The following PRKG1 variants were observed in gnomAD, a reference collection of about 807,000 sequenced individuals.
PRKG1 encodes cGMP-dependent protein kinase 1.
A neutral mutation model predicts 88.1 loss-of-function variants in PRKG1; 35 were observed. That is an observed-to-expected ratio of 0.40 (90% confidence interval 0.30 to 0.53). The LOEUF is 0.53. PRKG1 is among the 20% of genes least tolerant of loss of function. The probability of loss-of-function intolerance (pLI) is 0.59; values close to 1 mark genes in which losing one functional copy is unlikely to be tolerated. For missense variants in PRKG1, 540 were observed against 839.8 expected (o/e 0.64, Z 4.41); for synonymous variants, 303 against 292.5 (o/e 1.04, Z -0.37).
At chr10:51,697,495 A>G (rs1195464481) in intron 3 of PRKG1, 2 of 588,944 alleles carry the variant, frequency 3.4e-6, no homozygotes, top group African/African-American at 3.7e-5. Flanking sequence ...CTTAAAGTGA[A>G]CAGACGCACT....
At chr10:51,555,223 G>C (rs1453207231) in intron 3 of PRKG1, among the ~76,000 whole-genome samples, 1 of 151,874 alleles carries the variant, frequency 6.6e-6, no homozygotes, top group Non-Finnish European at 1.5e-5. Flanking sequence ...GTAAGAAATA[G>C]TAATAACATT....
intron 3 of PRKG1, among the ~76,000 whole-genome samples, chr10:51,492,892 TAG>T (rs1840743667): frequency 6.6e-6 from 1 of 152,134 alleles, no homozygotes; most frequent in African/African-American, 2.4e-5. Flanking sequence ...GCACATCAAG[TAG>T]AAAAAAGATT....
At position 51,892,255 on chromosome 10, in the gene PRKG1, T is replaced by C. The variant is rs576443097; in HGVS notation, c.699-15252T>C. On this transcript the variant is annotated intron_variant, in intron 4 of 17. Coordinates refer to ENST00000373980, the MANE Select transcript of PRKG1 (RefSeq NM_006258.4). ...AATTTCTTTTAGCAAATAAAGACTT[T>C]AATAAGTCATGTAGTAAAGAGGATT... 6.4e-4 allele frequency among the ~76,000 whole-genome samples: 98 copies of C among 152,354 alleles called. No homozygotes were observed. The Middle Eastern group carries it at 0.014, about 21-fold the overall frequency.
intron 2 of PRKG1, among the ~76,000 whole-genome samples, chr10:51,322,843 T>C (rs1841490762): frequency 2.0e-5 from 3 of 152,230 alleles, no homozygotes; most frequent in African/African-American, 4.8e-5. Context: ...CACACTAAGG[T>C]TGACTTTTCT....
chr10:51,666,808 T>G (rs904599299), intron 3 of PRKG1, among the ~76,000 whole-genome samples: 1 of 152,136 alleles, frequency 6.6e-6, no homozygotes, highest in African/African-American at 2.4e-5. Flanking sequence ...CTTTTTTATT[T>G]TTTTGAGATG....
chr10:51,781,740 T>C (rs535267100), intron 3 of PRKG1, among the ~76,000 whole-genome samples: 2 of 152,262 alleles, frequency 1.3e-5, no homozygotes, highest in Non-Finnish European at 2.9e-5. Flanking sequence ...CTGTAGCAAG[T>C]ATGTTTCTAT....
chr10:51,241,547 A>ATAT lies in PRKG1; in HGVS notation c.478+88220_478+88222dup, dbSNP rs544414394. ...TTAGAATCTGAACTCTGATATCCTTATATTAGCCTACTGCTAATTCCTCCT... is the reference window on the plus strand; with the variant it reads ...TTAGAATCTGAACTCTGATATCCTTATATTATTAGCCTACTGCTAATTCCTCCT... On this transcript the variant is annotated intron_variant, in intron 2 of 17. Coordinates refer to ENST00000373980, the MANE Select transcript of PRKG1 (RefSeq NM_006258.4). Among the ~76,000 whole-genome samples, 37 of 152,314 alleles carry ATAT rather than the reference A, an allele frequency of 2.4e-4. 1 individual carries two copies. In the South Asian group the frequency reaches 7.2e-3, roughly 30 times the overall value.
At chr10:51,758,130 T>C (rs1048836578) in intron 3 of PRKG1, among the ~76,000 whole-genome samples, 1 of 152,132 alleles carries the variant, frequency 6.6e-6, no homozygotes, top group Non-Finnish European at 1.5e-5. Context: ...GGAAACAGTC[T>C]AGAAAAAAAA....
chr10:52,045,712 A>G (rs1845847979), intron 5 of PRKG1, among the ~76,000 whole-genome samples: 1 of 150,836 alleles, frequency 6.6e-6, no homozygotes, highest in African/African-American at 2.4e-5. Context: ...TGATTAAAAG[A>G]AAAAAAAACA....
intron 3 of PRKG1, among the ~76,000 whole-genome samples, chr10:51,543,058 A>G (rs1842350398): frequency 6.6e-6 from 1 of 152,172 alleles, no homozygotes. Flanking sequence ...GTATTACTAC[A>G]CTGTGCGGGC....
intron 1 of PRKG1, among the ~76,000 whole-genome samples, chr10:51,144,837 G>A (rs1347834540): frequency 6.6e-6 from 1 of 152,114 alleles, no homozygotes; most frequent in East Asian, 1.9e-4. Flanking sequence ...CTGGAATTAA[G>A]TGAATTGAGT....
chr10:52,037,463 T>C (rs1167175969), intron 5 of PRKG1, among the ~76,000 whole-genome samples: 1 of 152,230 alleles, frequency 6.6e-6, no homozygotes, highest in Non-Finnish European at 1.5e-5. Context: ...GATTGGGTAA[T>C]AAAATGTATT....
intron 1 of PRKG1, among the ~76,000 whole-genome samples, chr10:50,996,550 G>A (rs1842838893): frequency 6.6e-6 from 1 of 152,212 alleles, no homozygotes. Flanking sequence ...TGCCAGGCTG[G>A]AATTTCCTCA....
intron 3 of PRKG1, among the ~76,000 whole-genome samples, chr10:51,752,528 A>G (rs1837753101): frequency 6.6e-6 from 1 of 152,202 alleles, no homozygotes; most frequent in Non-Finnish European, 1.5e-5. Context: ...CAAGAAATGT[A>G]TAAGAACAAG....
chr10:51,043,587 G>A (rs529242844), intron 1 of PRKG1, among the ~76,000 whole-genome samples: 5 of 152,286 alleles, frequency 3.3e-5, no homozygotes, highest in Admixed American at 3.3e-4. Flanking sequence ...GTAAGGGGCA[G>A]GAACCACAGG....
At chr10:52,213,910 T>A (rs551177671) in intron 9 of PRKG1, among the ~76,000 whole-genome samples, 1 of 152,338 alleles carries the variant, frequency 6.6e-6, no homozygotes, top group South Asian at 2.1e-4. Flanking sequence ...CAAATAACAC[T>A]GCCTAGAAAT....
intron 3 of PRKG1, among the ~76,000 whole-genome samples, chr10:51,512,820 G>A (rs376958671): frequency 7.7e-5 from 6 of 77,942 alleles, no homozygotes; most frequent in African/African-American, 2.1e-4. Flanking sequence ...AACAGTGTAA[G>A]AGTGTTCCTA....
chr10:51,226,842 A>G (rs1405469136), intron 2 of PRKG1, among the ~76,000 whole-genome samples: 3 of 152,218 alleles, frequency 2.0e-5, no homozygotes, highest in African/African-American at 7.2e-5. Context: ...TTGGCTCAGT[A>G]AAAGAAATAA....
At chr10:51,135,083 T>A (rs1356985691) in intron 1 of PRKG1, among the ~76,000 whole-genome samples, 1 of 152,176 alleles carries the variant, frequency 6.6e-6, no homozygotes, top group Non-Finnish European at 1.5e-5. Flanking sequence ...CAAATAAGTT[T>A]AAGTATGATG....
Sources: gnomAD v4.1 joint callset for allele counts (sites outside exome capture counted in the v4.1 genomes callset) on GRCh38, gnomAD v4.1.1 for gene constraint, MANE v1.5 for transcripts, NCBI Gene and HGNC (gene_info 2026-07-23, HGNC 2026-07-21) for gene names.